Variants in CES5A observed in about 807,000 individuals in gnomAD.
CES5A encodes the protein carboxylesterase 5A, also known as carboxylesterase 5.
In CES5A, 67 loss-of-function variants were observed where a neutral mutation model predicts 62.9. That is an observed-to-expected ratio of 1.07 (90% CI 0.88 to 1.31). The LOEUF is 1.31. CES5A is among the 50% of genes most tolerant of loss of function. The pLI is 0.00. For synonymous variants in CES5A, 296 were observed against 280.8 expected (o/e 1.05, Z -0.54); for missense variants, 748 against 708.5 (o/e 1.06, Z -0.63).
intron 1 of CES5A, among the ~76,000 whole-genome samples, chr16:55,884,904 T>G (rs2142427715): frequency 6.6e-6 from 1 of 152,320 alleles, no homozygotes; most frequent in Non-Finnish European, 1.5e-5. Context: ...ACCACTAAAC[T>G]TCTTAGTGAT....
At chr16:55,855,492 G>A (rs1238305379) in intron 9 of CES5A, among the ~76,000 whole-genome samples, 1 of 152,200 alleles carries the variant, frequency 6.6e-6, no homozygotes, top group African/African-American at 2.4e-5. Context: ...TGCCTGGCTG[G>A]TGTGTAGTGA....
chr16:55,904,515 T>G (rs761691352), intron 1 of CES5A, among the ~76,000 whole-genome samples: 21 of 152,236 alleles, frequency 1.4e-4, no homozygotes, highest in Admixed American at 3.9e-4. Context: ...CCTCCACTCC[T>G]GGACCCCTCA....
At chr16:55,907,765 G>A (rs1462768417) in intron 1 of CES5A, among the ~76,000 whole-genome samples, 1 of 152,158 alleles carries the variant, frequency 6.6e-6, no homozygotes, top group Non-Finnish European at 1.5e-5. Flanking sequence ...AGGGTGCGAA[G>A]AGATGAGCTC....
intron 2 of CES5A, among the ~76,000 whole-genome samples, chr16:55,938,226 C>T (rs1271146292): frequency 6.6e-6 from 1 of 152,104 alleles, no homozygotes; most frequent in African/African-American, 2.4e-5. Flanking sequence ...AAACTCTGGC[C>T]CACAGCCTGA....
intron 1 of CES5A, 96 bp downstream of exon 1, chr16:55,875,053 C>T: frequency 8.0e-7 from 1 of 1,244,104 alleles, no homozygotes; most frequent in South Asian, 1.2e-5. Context: ...TCCACTGGCC[C>T]TCAGAGACCT....
intron 11 of CES5A, among the ~76,000 whole-genome samples, chr16:55,848,544 T>C (rs1193326863): frequency 6.6e-6 from 1 of 152,206 alleles, no homozygotes; most frequent in Non-Finnish European, 1.5e-5. Flanking sequence ...AATAATTCCT[T>C]GCTAAGGATG....
intron 1 of CES5A, among the ~76,000 whole-genome samples, chr16:55,897,978 T>C (rs1339636870): frequency 6.6e-6 from 1 of 152,200 alleles, no homozygotes; most frequent in Admixed American, 6.5e-5. Flanking sequence ...ATGAAAAGCA[T>C]ATATACTGAA....
At chr16:55,886,862 A>T (rs1464543769) in intron 1 of CES5A, among the ~76,000 whole-genome samples, 1 of 151,954 alleles carries the variant, frequency 6.6e-6, no homozygotes, top group Non-Finnish European at 1.5e-5. Flanking sequence ...ATGTAATCCC[A>T]TGATTACATA....
intron 2 of CES5A, among the ~76,000 whole-genome samples, chr16:55,932,344 A>T (rs1567359517): frequency 6.6e-6 from 1 of 152,170 alleles, no homozygotes; most frequent in Non-Finnish European, 1.5e-5. Flanking sequence ...TAAATTGCCC[A>T]GTCTCAGGTA....
chr16:55,891,027 C>T (rs1348391999), intron 1 of CES5A, among the ~76,000 whole-genome samples: 1 of 152,014 alleles, frequency 6.6e-6, no homozygotes, highest in African/African-American at 2.4e-5. Context: ...TGACTCATTC[C>T]GATTATCTGC....
intron 1 of CES5A, among the ~76,000 whole-genome samples, chr16:55,895,565 T>C (rs2033923261): frequency 6.6e-6 from 1 of 152,264 alleles, no homozygotes; most frequent in South Asian, 2.1e-4. Context: ...TACCATTATA[T>C]CTTGGAAGTG....
chr16:55,857,888 G>A lies in CES5A; in HGVS notation c.1057-1443C>T, dbSNP rs2033274655. Among the ~76,000 whole-genome samples, 4 of 152,098 alleles carry A rather than the reference G, an allele frequency of 2.6e-5. No individual in the cohort carries two copies. The South Asian group carries it at 6.2e-4, about 24-fold the overall frequency. On this transcript the variant is annotated intron_variant, in intron 8 of 12. Coordinates refer to ENST00000290567, the MANE Select transcript of CES5A (RefSeq NM_001143685.2). ...TAATATCACACAGCAGGTAAACAGA[G>A]AACTCGATATTTAAAGGGAGAGCCT...
chr16:55,909,799 C>A (rs2034075572), intron 1 of CES5A, among the ~76,000 whole-genome samples: 1 of 152,210 alleles, frequency 6.6e-6, no homozygotes, highest in South Asian at 2.1e-4. Context: ...CCTCTGCTGG[C>A]CTTGGACAAG....
At chr16:55,882,141 C>G (rs1258194399) in intron 1 of CES5A, among the ~76,000 whole-genome samples, 1 of 152,086 alleles carries the variant, frequency 6.6e-6, no homozygotes, top group Non-Finnish European at 1.5e-5. Flanking sequence ...CTTGTCAAAC[C>G]TACTGAGCTC....
At chr16:55,860,215 A>T (rs1285037278) in intron 7 of CES5A, among the ~76,000 whole-genome samples, 1 of 152,096 alleles carries the variant, frequency 6.6e-6, no homozygotes, top group Non-Finnish European at 1.5e-5. Context: ...CTCTACCATG[A>T]TTGTGAGACC....
At chr16:55,872,577 G>C (rs1438674408) in intron 2 of CES5A, among the ~76,000 whole-genome samples, 1 of 152,206 alleles carries the variant, frequency 6.6e-6, no homozygotes, top group African/African-American at 2.4e-5. Flanking sequence ...AAGCAAGGCT[G>C]TAAATGTGAA....
intron 1 of CES5A, among the ~76,000 whole-genome samples, chr16:55,953,282 G>T (rs2034577334): frequency 6.6e-6 from 1 of 152,160 alleles, no homozygotes; most frequent in African/African-American, 2.4e-5. Flanking sequence ...ACCAGGTAAA[G>T]ATGTCTATAA....
intron 2 of CES5A, among the ~76,000 whole-genome samples, chr16:55,930,499 G>T (rs562556811): frequency 6.6e-6 from 1 of 152,320 alleles, no homozygotes; most frequent in African/African-American, 2.4e-5. Context: ...AAGCCAGTTT[G>T]GTTCTGGTTT....
chr16:55,878,586 A>T (rs551274139), upstream of CES5A, among the ~76,000 whole-genome samples: 170 of 71,592 alleles, frequency 2.4e-3, no homozygotes, highest in Non-Finnish European at 3.4e-3. Flanking sequence ...CTGTACCCCC[A>T]CCACTACCCC....
Sources: gnomAD v4.1 joint callset for allele counts (sites outside exome capture counted in the v4.1 genomes callset) on GRCh38, gnomAD v4.1.1 for gene constraint, MANE v1.5 for transcripts, NCBI Gene and HGNC (gene_info 2026-07-23, HGNC 2026-07-21) for gene names.